Variants in NAP1L4 observed in about 807,000 individuals in gnomAD.
NAP1L4 encodes nucleosome assembly protein 1 like 4.
Under a neutral mutation model 58.2 loss-of-function variants are expected in NAP1L4, and 15 were observed. The observed-to-expected ratio is 0.26, with a 90% CI of 0.17 to 0.40. NAP1L4 has a LOEUF of 0.40. NAP1L4 is among the 10% of genes least tolerant of loss of function. The probability of loss-of-function intolerance (pLI) is 1.00; values close to 1 mark genes in which losing one functional copy is unlikely to be tolerated. For missense variants in NAP1L4, 384 were observed against 451.1 expected (o/e 0.85, Z 1.35); for synonymous variants, 171 against 155.6 (o/e 1.10, Z -0.74).
At position 2,965,823 on chromosome 11, in the gene NAP1L4, C is replaced by A. The variant is rs375567552; in HGVS notation, c.535-1072G>T. On this transcript the variant is annotated intron_variant, in intron 7 of 15. Coordinates refer to ENST00000380542, the MANE Select transcript of NAP1L4 (RefSeq NM_005969.4). ...GGGATTACAGGCGTGAGCCACCGCG[C>A]CCGGCCACACACGGTTACTTCTTTA... Among the ~76,000 whole-genome samples the A allele has an allele frequency of 5.3e-3, 800 of 152,324 alleles. 9 individuals are homozygous for A. The highest frequency in any genetic ancestry group is 0.018 in the African/African-American group (730 of 41,568).
chr11:2,988,775 G>A (rs1296263521), intron 1 of NAP1L4, among the ~76,000 whole-genome samples: 1 of 152,156 alleles, frequency 6.6e-6, no homozygotes, highest in Admixed American at 6.5e-5. Flanking sequence ...GGGGATACTT[G>A]TAAGAAACTT....
rs2411767 is a variant in NAP1L4, at chr11:2,972,123, T to C, written c.294A>G (p.Leu98=). The change falls in exon 5 of 16, where the codon CTA becomes CTG. Residue 98 remains leucine (L), a synonymous_variant. Transcript: ENST00000380542. The part of the protein sequence containing the change: ...VHDLERKYAA[L]YQPLFDKRRE... The stretch of plus-strand genomic sequence containing the variant: ...CTACCTTGTCAAAGAGAGGCTGGTA[T>C]AGCGCTGCATACTTTCTTTCCAAGT... 0.082 allele frequency: 129,729 copies of C among 1,589,222 alleles called. 6,287 individuals carry two copies. The highest frequency in any genetic ancestry group is 0.089 in the Non-Finnish European group (103,952 of 1,172,288).
At chr11:2,961,204 A>G (rs1846882791) in intron 8 of NAP1L4, among the ~76,000 whole-genome samples, 1 of 152,200 alleles carries the variant, frequency 6.6e-6, no homozygotes, top group Non-Finnish European at 1.5e-5. Context: ...TGCACAAAGG[A>G]GAAGTGAAAA....
At chr11:2,978,019 T>C (rs79421554) in intron 3 of NAP1L4, among the ~76,000 whole-genome samples, 1,647 of 152,202 alleles carry the variant, frequency 0.011, 34 homozygotes, top group African/African-American at 0.038. Flanking sequence ...GAAAAAAGAC[T>C]GGTCATTTGT....
At chr11:2,981,430 A>C (rs1441856773) in intron 1 of NAP1L4, among the ~76,000 whole-genome samples, 2 of 149,580 alleles carry the variant, frequency 1.3e-5, no homozygotes, top group African/African-American at 4.9e-5. Flanking sequence ...AAAAAAAAAA[A>C]AAAAAAAAAA....
Position 2,958,508 on chromosome 11 carries a change from A to G in NAP1L4, c.783T>C (p.Thr261=), listed in dbSNP as rs1424423298. 2 of 1,614,034 alleles carry G rather than the reference A, an allele frequency of 1.2e-6. No individual in the cohort carries two copies. Among genetic ancestry groups the G allele is most frequent in the African/African-American group, 1.3e-5 (1 of 74,920 alleles). Residue 261 remains threonine, a synonymous_variant, in exon 10 of 16, where the codon ACT becomes ACC. Transcript: ENST00000380542. ...TIDWKKGKNV[T]VKTIKKKQKH... ...TCTGCTTTTTCTTGATGGTTTTGAC[A>G]GTAACATTCTTTCCTTTCTTCCAGT...
At chr11:2,986,758 C>T (rs914405431) in intron 1 of NAP1L4, among the ~76,000 whole-genome samples, 1 of 150,776 alleles carries the variant, frequency 6.6e-6, no homozygotes, top group African/African-American at 2.4e-5. Context: ...GCTGGAGTTA[C>T]AGGTGCCCAC....
rs1847638106 is a variant in NAP1L4 at position 2,971,557 on chromosome 11, T to G, written c.316-23A>C. On this transcript the variant is annotated intron_variant, in intron 5 of 15. Coordinates refer to ENST00000380542, the MANE Select transcript of NAP1L4 (RefSeq NM_005969.4). This position sits in a 1 kb window ranked among gnomAD's most constrained non-coding sequence, Gnocchi z 4.2. Reference sequence around the variant, plus strand: ...TCTCTACATAAAAATGAGACCTTATTAGAATTATGTTATTAGCTTACTTAG... The same window carrying G: ...TCTCTACATAAAAATGAGACCTTATGAGAATTATGTTATTAGCTTACTTAG... 1 of 1,590,644 alleles carries G rather than the reference T, an allele frequency of 6.3e-7. No homozygotes were observed. The highest frequency in any genetic ancestry group is 1.1e-5 in the South Asian group (1 of 90,272).
intron 7 of NAP1L4, among the ~76,000 whole-genome samples, chr11:2,969,590 A>G (rs1044547688): frequency 2.0e-5 from 3 of 152,160 alleles, no homozygotes; most frequent in African/African-American, 7.2e-5. Flanking sequence ...GCTTTCCACC[A>G]AGAACTGCAA....
chr11:2,962,554 G>C (rs1294847100), intron 8 of NAP1L4, among the ~76,000 whole-genome samples: 1 of 152,194 alleles, frequency 6.6e-6, no homozygotes, highest in South Asian at 2.1e-4. Context: ...AGGAAAAAGA[G>C]TATGGGGAAA....
chr11:2,976,986 C>T (rs542146016), intron 3 of NAP1L4, among the ~76,000 whole-genome samples: 2 of 151,568 alleles, frequency 1.3e-5, no homozygotes, highest in Admixed American at 6.6e-5. Flanking sequence ...TCTCCCATCC[C>T]GAGTATTCTC....
At position 2,951,227 on chromosome 11, in the gene NAP1L4, A is replaced by C; in HGVS notation, c.1122+32T>G. 6.3e-7 allele frequency: 1 copy of C among 1,582,400 alleles called. No homozygotes were observed. Among genetic ancestry groups the C allele is most frequent in the Non-Finnish European group, 8.7e-7 (1 of 1,151,988 alleles). On this transcript the variant is annotated intron_variant, in intron 14 of 15. Coordinates refer to ENST00000380542, the MANE Select transcript of NAP1L4 (RefSeq NM_005969.4). The surrounding 1 kb of genome is among the most constrained non-coding windows in gnomAD (Gnocchi z 4.0). The stretch of plus-strand genomic sequence containing the variant: ...TAAAAGTCTAAGAGTGCAGCATAAT[A>C]AGTAGGTCTGGGTGGCCCCAAAGTT...
chr11:2,953,802 C>T (rs927977789), intron 12 of NAP1L4, among the ~76,000 whole-genome samples: 3 of 152,188 alleles, frequency 2.0e-5, no homozygotes, highest in Non-Finnish European at 4.4e-5. Flanking sequence ...TCTGAAGCCC[C>T]AACAGACCAG....
chr11:2,973,819 A>G (rs989691789), intron 4 of NAP1L4, among the ~76,000 whole-genome samples: 1 of 152,138 alleles, frequency 6.6e-6, no homozygotes, highest in Admixed American at 6.5e-5. Flanking sequence ...CCCAGGCTGC[A>G]GTGCACTGGT....
At position 2,971,142 on chromosome 11, in the gene NAP1L4, A is replaced by C. The variant is rs1185069728; in HGVS notation, c.402+306T>G. Among the ~76,000 whole-genome samples the C allele has an allele frequency of 6.6e-6, 1 of 152,234 alleles. No individual in the cohort carries two copies. The highest frequency in any genetic ancestry group is 2.4e-5 in the African/African-American group (1 of 41,464). On this transcript the variant is annotated intron_variant, in intron 6 of 15. Transcript: ENST00000380542. This position sits in a 1 kb window ranked among gnomAD's most constrained non-coding sequence, Gnocchi z 4.2. Reference sequence around the variant, plus strand: ...TCCCCCAATCTTCCAGTGACTGAGAACACAGGGGCATCTCTTCTTCATCTT... The same window carrying C: ...TCCCCCAATCTTCCAGTGACTGAGACCACAGGGGCATCTCTTCTTCATCTT...
At chr11:2,976,948 T>C (rs921389591) in intron 3 of NAP1L4, among the ~76,000 whole-genome samples, 5 of 152,202 alleles carry the variant, frequency 3.3e-5, no homozygotes, top group African/African-American at 7.2e-5. Context: ...AGCCAGTACA[T>C]ACCCGAGTAT....
At chr11:2,964,577 C>T (rs1284853551) in intron 8 of NAP1L4, 103 bp downstream of exon 8, 1 of 895,996 alleles carries the variant, frequency 1.1e-6, no homozygotes, top group Non-Finnish European at 1.8e-6. Context: ...AGATGAGTGG[C>T]TGGGTGTGGG....
At chr11:2,975,633 G>A (rs1847909630) in intron 4 of NAP1L4, among the ~76,000 whole-genome samples, 1 of 151,980 alleles carries the variant, frequency 6.6e-6, no homozygotes, top group Non-Finnish European at 1.5e-5. Flanking sequence ...TAGGCATGCG[G>A]CACTATGCCC....
chr11:2,976,430 T>C (rs1847966893), intron 3 of NAP1L4, among the ~76,000 whole-genome samples: 1 of 152,190 alleles, frequency 6.6e-6, no homozygotes, highest in South Asian at 2.1e-4. Flanking sequence ...GAGGACATCA[T>C]TAATGTAAGT....
Sources: gnomAD v4.1 joint callset for allele counts (sites outside exome capture counted in the v4.1 genomes callset) on GRCh38, gnomAD v4.1.1 for gene constraint, Gnocchi (gnomAD v3.1) non-coding constraint, MANE v1.5 for transcripts, NCBI Gene and HGNC (gene_info 2026-07-23, HGNC 2026-07-21) for gene names.